Variants in NACC2 observed in about 807,000 individuals in gnomAD.
The protein encoded by NACC2 is NACC family member 2.
A neutral mutation model predicts 25.1 loss-of-function variants in NACC2; 8 were observed. The ratio of observed to expected loss-of-function variants is 0.32; its 90% CI spans 0.19 to 0.57. The LOEUF is 0.57. Among genes scored for constraint, NACC2 ranks in the 20% least tolerant of loss-of-function variants. NACC2 has a pLI of 0.89. For missense variants in NACC2, 644 were observed against 650.2 expected (o/e 0.99, Z 0.10); for synonymous variants, 435 against 294.7 (o/e 1.48, Z -4.88).
At chr9:136,044,625 G>T (rs1840692470) in intron 2 of NACC2, among the ~76,000 whole-genome samples, 1 of 152,212 alleles carries the variant, frequency 6.6e-6, no homozygotes, top group African/African-American at 2.4e-5. Context: ...AGGCCACAAG[G>T]CAGCAGAGTG....
chr9:136,009,385 C>T lies in NACC2; in HGVS notation c.*2131G>A, dbSNP rs1169461134. On this transcript the variant is annotated 3_prime_UTR_variant, in exon 6 of 6. Transcript: ENST00000277554. Reference sequence around the variant, plus strand: ...CTAGGCTGGGTGGTTCTTAGTTCAGCAGAAGGTCTGGATGCCTCTGCACCA... The same window carrying T: ...CTAGGCTGGGTGGTTCTTAGTTCAGTAGAAGGTCTGGATGCCTCTGCACCA... 6.6e-6 allele frequency: 1 copy of T among 152,286 alleles called. No individual in the cohort carries two copies. Among genetic ancestry groups the T allele is most frequent in the Non-Finnish European group, 1.5e-5 (1 of 68,098 alleles). 9.4% of individuals were successfully genotyped at this position (152,286 alleles called of 1,614,324 possible).
intron 2 of NACC2, among the ~76,000 whole-genome samples, chr9:136,034,656 TA>T (rs537229760): frequency 0.038 from 5,214 of 137,596 alleles, 282 homozygotes; most frequent in African/African-American, 0.12. Context: ...GAAAATGCTT[TA>T]AAAAAAAAAA....
At chr9:136,091,562 T>C (rs1000686571) in intron 1 of NACC2, among the ~76,000 whole-genome samples, 2 of 152,338 alleles carry the variant, frequency 1.3e-5, no homozygotes, top group Admixed American at 6.5e-5. Flanking sequence ...CCGGAGTTCA[T>C]GTCCCCAAAT....
Position 136,050,360 on chromosome 9 carries a change from G to T in NACC2, c.162C>A (p.Tyr54Ter). Residue 54 changes from tyrosine (Y) to a stop codon, truncating the protein, a stop_gained, in exon 2 of 6, where the codon TAC becomes TAA. Coordinates refer to ENST00000277554, the MANE Select transcript of NACC2 (RefSeq NM_144653.5). LOFTEE classifies it high-confidence loss of function. The part of the protein sequence containing the change: ...HRAVLAASSL[Y>*]FRDLFSGNSK... ...TGTTGCCGCTGAACAGGTCGCGGAA[G>T]TAGAGGCTGCTGGCGGCCAGCACCG... 1.3e-6 allele frequency: 1 copy of T among 749,394 alleles called. No individual in the cohort carries two copies. 46.4% of individuals were successfully genotyped at this position (749,394 alleles called of 1,614,324 possible). A position where few individuals can be genotyped will look rare whatever the true frequency, so the allele number is the denominator to read the frequency against.
intron 1 of NACC2, among the ~76,000 whole-genome samples, chr9:136,056,829 C>T (rs1840931723): frequency 1.3e-5 from 2 of 152,230 alleles, no homozygotes; most frequent in Admixed American, 6.5e-5. Flanking sequence ...TCAGAGCCGG[C>T]GGTAACTGCA....
chr9:136,024,240 AGGACAGAGGGTGTGTGTGAGGACAGAGG>A (rs1840345056), intron 2 of NACC2, among the ~76,000 whole-genome samples: 1 of 16,594 alleles, frequency 6.0e-5, no homozygotes, highest in Non-Finnish European at 1.2e-4. Context: ...GGTGTGTGTG[AGGACAGAGGGTGTGTGTGAGGACAGAGG>A]GTGTGTGTGA....
intron 1 of NACC2, among the ~76,000 whole-genome samples, chr9:136,076,516 C>T (rs1019973765): frequency 2.6e-5 from 4 of 152,062 alleles, no homozygotes; most frequent in Non-Finnish European, 4.4e-5. Context: ...GGAAGCAGAA[C>T]GGAGGTTTCC....
At chr9:136,032,082 G>A (rs1274413704) in intron 2 of NACC2, among the ~76,000 whole-genome samples, 2 of 144,238 alleles carry the variant, frequency 1.4e-5, no homozygotes, top group African/African-American at 5.9e-5. Context: ...CAGACTCCTG[G>A]GATCCCACCG....
At chr9:136,038,984 G>A (rs1840593059) in intron 2 of NACC2, among the ~76,000 whole-genome samples, 1 of 152,198 alleles carries the variant, frequency 6.6e-6, no homozygotes, top group African/African-American at 2.4e-5. Flanking sequence ...TAAAGCCACT[G>A]AAAGTAACAG....
chr9:136,032,910 C>T (rs944701982), intron 2 of NACC2, among the ~76,000 whole-genome samples: 4 of 151,868 alleles, frequency 2.6e-5, no homozygotes, highest in Non-Finnish European at 5.9e-5. Flanking sequence ...CCCAGCTACT[C>T]GGGAGGCTGA....
intron 2 of NACC2, among the ~76,000 whole-genome samples, chr9:136,044,667 C>T (rs1415088963): frequency 1.3e-5 from 2 of 152,242 alleles, no homozygotes; most frequent in African/African-American, 4.8e-5. Context: ...TACTCAGCAA[C>T]CCCAAGTTCA....
rs1198698596 is a variant in NACC2, at chr9:136,024,522, TGTGTGTGTGTGGACA to T, written c.887-8108_887-8094del. Reference sequence around the variant, plus strand: ...GACAGAATGTGTGTGTGTGTGTGTGTGTGTGTGTGTGGACAGTGTGTGTGAGGACAGTGTGTGTAA... The same window carrying T: ...GACAGAATGTGTGTGTGTGTGTGTGTGTGTGTGTGAGGACAGTGTGTGTAA... On this transcript the variant is annotated intron_variant, in intron 2 of 5. Transcript: ENST00000277554. 3.3e-3 allele frequency among the ~76,000 whole-genome samples: 472 copies of T among 145,030 alleles called. 4 individuals carry two copies. The highest frequency in any genetic ancestry group is 0.012 in the African/African-American group (455 of 38,788).
chr9:136,027,242 T>A (rs1038274120), intron 2 of NACC2, among the ~76,000 whole-genome samples: 4 of 152,018 alleles, frequency 2.6e-5, no homozygotes, highest in African/African-American at 9.7e-5. Flanking sequence ...ACAAAAAAAA[T>A]TAATGTTTGT....
At position 136,013,173 on chromosome 9, in the gene NACC2, C is replaced by CCCCCCCCCCCCCCAG; in HGVS notation, c.1255+25_1255+26insCTGGGGGGGGGGGGG. ...ATCTGAACCCAGCCCCGGCCCCACC[C>CCCCCCCCCCCCCCAG]ACCCGAGAGACCCCCAGGCTCTTAC... On this transcript the variant is annotated intron_variant, in intron 5 of 5. Transcript: ENST00000277554. This position sits in a 1 kb window ranked among gnomAD's most constrained non-coding sequence, Gnocchi z 6.6. The CCCCCCCCCCCCCCAG allele has an allele frequency of 7.8e-7, 1 of 1,281,022 alleles. No individual in the cohort carries two copies. Among genetic ancestry groups the CCCCCCCCCCCCCCAG allele is most frequent in the Non-Finnish European group, 1.1e-6 (1 of 883,266 alleles). 79.4% of individuals were successfully genotyped at this position (1,281,022 alleles called of 1,614,324 possible).
In NACC2 at chr9:136,022,757, C is replaced by T. The variant is rs4842077; in HGVS notation, c.887-6328G>A. ...TGTCATCCTCCAGAAAGACCAGAAA[C>T]GACTTCCACGCTGTACTTGGTGGGA... On this transcript the variant is annotated intron_variant, in intron 2 of 5. Coordinates refer to ENST00000277554, the MANE Select transcript of NACC2 (RefSeq NM_144653.5). This position sits in a 1 kb window ranked among gnomAD's most constrained non-coding sequence, Gnocchi z 4.4. Among the ~76,000 whole-genome samples the T allele has an allele frequency of 3.7e-4, 57 of 152,148 alleles. 1 individual carries two copies. Among genetic ancestry groups the T allele is most frequent in the Admixed American group, 6.5e-4 (10 of 15,290 alleles).
Position 136,016,275 on chromosome 9 carries a change from C to T in NACC2, c.1041G>A (p.Glu347=), listed in dbSNP as rs562240139. The change falls in exon 3 of 6, where the codon GAG becomes GAA. Residue 347 remains glutamate (E), a synonymous_variant. Transcript: ENST00000277554. ...GGGAGGCAGCCTCACCTGCCACCAG[C>T]TCCAGCTTCTCCCCGGGGTCCCCTT... ...YSEGDPGEKL[E]LVAGSGVYIT... The T allele has an allele frequency of 3.1e-6, 5 of 1,612,802 alleles. No homozygotes were observed. The Admixed American group carries it at 8.3e-5, about 27-fold the overall frequency.
chr9:136,033,624 G>A (rs575726043), intron 2 of NACC2, among the ~76,000 whole-genome samples: 22 of 148,082 alleles, frequency 1.5e-4, no homozygotes, highest in Admixed American at 3.4e-4. Context: ...ACTCCAGCCC[G>A]GGGGACAGAG....
At chr9:136,053,352 C>T (rs943630147) in intron 1 of NACC2, among the ~76,000 whole-genome samples, 45 of 152,306 alleles carry the variant, frequency 3.0e-4, no homozygotes, top group African/African-American at 1.0e-3. Context: ...GAGGTGGCTT[C>T]GTGCCTAGTG....
intron 1 of NACC2, among the ~76,000 whole-genome samples, chr9:136,067,745 G>A (rs565411435): frequency 6.6e-6 from 1 of 152,222 alleles, no homozygotes; most frequent in South Asian, 2.1e-4. Flanking sequence ...TGAGGCAGGA[G>A]AATCACTTGA....
Sources: gnomAD v4.1 joint callset for allele counts (sites outside exome capture counted in the v4.1 genomes callset) on GRCh38, gnomAD v4.1.1 for gene constraint, Gnocchi (gnomAD v3.1) non-coding constraint, MANE v1.5 for transcripts, NCBI Gene and HGNC (gene_info 2026-07-23, HGNC 2026-07-21) for gene names.